EPHA4: variants seen among roughly 807,000 people sequenced by gnomAD.
EPHA4 encodes EPH receptor A4, also known as ephrin type-A receptor 4.
EPHA4 carries 19 observed loss-of-function variants against 108.3 expected under a neutral mutation model. That is an observed-to-expected ratio of 0.18 (90% CI 0.12 to 0.26). The LOEUF is 0.26. EPHA4 is among the 10% of genes least tolerant of loss of function. The probability of loss-of-function intolerance (pLI) is 1.00; values close to 1 mark genes in which losing one functional copy is unlikely to be tolerated. For synonymous variants in EPHA4, 449 were observed against 455.5 expected (o/e 0.99, Z 0.18); for missense variants, 917 against 1,254.0 (o/e 0.73, Z 4.06).
At chr2:221,436,184 T>C (rs1184416807) in intron 13 of EPHA4, among the ~76,000 whole-genome samples, 1 of 152,192 alleles carries the variant, frequency 6.6e-6, no homozygotes, top group East Asian at 1.9e-4. Flanking sequence ...TGCTTCTAGT[T>C]TGTGGCTGTT....
At chr2:221,537,215 C>T (rs891080578) in intron 3 of EPHA4, among the ~76,000 whole-genome samples, 2 of 152,192 alleles carry the variant, frequency 1.3e-5, no homozygotes, top group Non-Finnish European at 2.9e-5. Flanking sequence ...TTGTAATTGA[C>T]AGCTAAATCC....
At chr2:221,504,537 TTTTATA>T (rs1398811731) in intron 3 of EPHA4, among the ~76,000 whole-genome samples, 2,485 of 17,200 alleles carry the variant, frequency 0.14, 65 homozygotes, top group African/African-American at 0.34. Context: ...TATTTGAAAA[TTTTATA>T]TATATATATA....
At chr2:221,512,456 A>G (rs1337967895) in intron 3 of EPHA4, among the ~76,000 whole-genome samples, 2 of 152,224 alleles carry the variant, frequency 1.3e-5, no homozygotes, top group African/African-American at 2.4e-5. Flanking sequence ...GCAAATCAGG[A>G]GACACTAACA....
At position 221,434,417 on chromosome 2, in the gene EPHA4, A is replaced by G. The variant is rs932511460; in HGVS notation, c.2347-126T>C. ...TCTTGAGATAGCTCTCAAAACAATA[A>G]GACACTTGTTCATTTTAACGCAAGT... On this transcript the variant is annotated intron_variant, in intron 13 of 17. Coordinates refer to ENST00000281821, the MANE Select transcript of EPHA4 (RefSeq NM_004438.5). The G allele has an allele frequency of 4.1e-6, 4 of 966,996 alleles. No individual in the cohort carries two copies. The African/African-American group carries it at 6.6e-5, about 16-fold the overall frequency. The allele number at this position is 966,996 out of a possible 1,614,324, so 59.9% of individuals were successfully genotyped here. A position where few individuals can be genotyped will look rare whatever the true frequency, so the allele number is the denominator to read the frequency against.
At chr2:221,526,542 T>TAA (rs140593891) in intron 3 of EPHA4, among the ~76,000 whole-genome samples, 8 of 144,038 alleles carry the variant, frequency 5.6e-5, no homozygotes, top group African/African-American at 1.0e-4. Context: ...CAATCTAGTG[T>TAA]AAAAAAAAAA....
chr2:221,464,901 T>C (rs2106124603), intron 5 of EPHA4, among the ~76,000 whole-genome samples: 1 of 152,268 alleles, frequency 6.6e-6, no homozygotes, highest in East Asian at 1.9e-4. Context: ...TTGACATTGA[T>C]TTTTCTCCTT....
intron 3 of EPHA4, among the ~76,000 whole-genome samples, chr2:221,543,392 G>C (rs947259617): frequency 2.0e-5 from 3 of 152,152 alleles, no homozygotes; most frequent in African/African-American, 7.2e-5. Flanking sequence ...GTACATCAAA[G>C]AAAGTCTGGA....
chr2:221,558,816 A>T (rs2106204838), intron 3 of EPHA4, among the ~76,000 whole-genome samples: 2 of 152,358 alleles, frequency 1.3e-5, no homozygotes, highest in Admixed American at 1.3e-4. Context: ...TAGATAAAGA[A>T]TTACATTTTT....
In EPHA4 at chr2:221,437,177, G is replaced by T. The variant is rs372413514; in HGVS notation, c.2075-55C>A. The T allele has an allele frequency of 1.1e-4, 147 of 1,329,422 alleles. No homozygotes were observed. The Middle Eastern group carries it at 1.3e-3, about 12-fold the overall frequency. The allele number at this position is 1,329,422 out of a possible 1,614,324, so 82.4% of individuals were successfully genotyped here. A position where few individuals can be genotyped will look rare whatever the true frequency, so the allele number is the denominator to read the frequency against. ...CTTTGATGAGCGCTGCACTTAATGA[G>T]ATAAAAATGGGCTGCGCACAATTTT... On this transcript the variant is annotated intron_variant, in intron 11 of 17. Coordinates refer to ENST00000281821, the MANE Select transcript of EPHA4 (RefSeq NM_004438.5).
chr2:221,448,662 G>C (rs1045152711), intron 8 of EPHA4, among the ~76,000 whole-genome samples: 2 of 152,130 alleles, frequency 1.3e-5, no homozygotes, highest in Non-Finnish European at 2.9e-5. Flanking sequence ...GGGAGTGATA[G>C]GGTCCTGCCA....
intron 3 of EPHA4, among the ~76,000 whole-genome samples, chr2:221,527,591 G>T (rs769866544): frequency 6.6e-6 from 1 of 152,178 alleles, no homozygotes; most frequent in Non-Finnish European, 1.5e-5. Context: ...GTCCACCGGG[G>T]TCTGCCCGAC....
At chr2:221,477,161 C>A (rs1312765794) in intron 5 of EPHA4, among the ~76,000 whole-genome samples, 1 of 152,134 alleles carries the variant, frequency 6.6e-6, no homozygotes, top group African/African-American at 2.4e-5. Flanking sequence ...AAAACAGCTA[C>A]AACAGGATTC....
chr2:221,549,842 T>A (rs1192258342), intron 3 of EPHA4, among the ~76,000 whole-genome samples: 1 of 151,976 alleles, frequency 6.6e-6, no homozygotes, highest in Non-Finnish European at 1.5e-5. Context: ...CTAAAAAAAA[T>A]TAGCCAGTCA....
At chr2:221,446,568 T>C (rs541738996) in intron 8 of EPHA4, among the ~76,000 whole-genome samples, 15 of 152,280 alleles carry the variant, frequency 9.9e-5, no homozygotes, top group African/African-American at 1.2e-4. Flanking sequence ...TATATGTATA[T>C]ATACATTCTA....
At chr2:221,546,252 A>C (rs1693994685) in intron 3 of EPHA4, among the ~76,000 whole-genome samples, 1 of 152,120 alleles carries the variant, frequency 6.6e-6, no homozygotes, top group African/African-American at 2.4e-5. Context: ...CGAAGGCTTA[A>C]GTTGGGAGTA....
chr2:221,448,496 C>A (rs1388694487), intron 8 of EPHA4, among the ~76,000 whole-genome samples: 1 of 152,168 alleles, frequency 6.6e-6, no homozygotes, highest in East Asian at 1.9e-4. Flanking sequence ...TACCCTGAAG[C>A]CAAACAACTT....
chr2:221,564,161 G>T lies in EPHA4; in HGVS notation c.393C>A (p.Asn131Lys). ...TCTCTCTGATGAAACGCTCTTTGTC[G>T]TTGTCTGATTCATAGTAGTACAGGT... ...TFNLYYYESD[N>K]DKERFIRENQ... is the part of the protein sequence containing the mutation. Residue 131 changes from asparagine (N) to lysine (K), a missense_variant, in exon 3 of 18, where the codon AAC becomes AAA. Asn to Lys is a moderately conservative substitution (Grantham distance 94). Transcript: ENST00000281821. 1.9e-6 allele frequency: 3 copies of T among 1,614,072 alleles called. No individual in the cohort carries two copies. Among genetic ancestry groups the T allele is most frequent in the Non-Finnish European group, 2.5e-6 (3 of 1,180,010 alleles).
intron 5 of EPHA4, among the ~76,000 whole-genome samples, chr2:221,464,159 C>T (rs1019922948): frequency 1.9e-4 from 29 of 152,234 alleles, no homozygotes; most frequent in African/African-American, 6.7e-4. Context: ...TTACCTTTCC[C>T]CTCCCCAGGA....
Position 221,443,031 on chromosome 2 carries a change from G to A in EPHA4, c.1889-17C>T. The stretch of plus-strand genomic sequence containing the variant: ...CAAATTCACCTTTGAGAGAGAAAAA[G>A]AATCTACGATGGACCAGAAACACAT... On this transcript the variant is annotated splice_polypyrimidine_tract_variant and intron_variant, in intron 10 of 17. Transcript: ENST00000281821. The A allele has an allele frequency of 6.2e-7, 1 of 1,610,194 alleles. No homozygotes were observed. The highest frequency in any genetic ancestry group is 1.3e-5 in the African/African-American group (1 of 74,482).
Sources: allele counts gnomAD v4.1 joint callset (sites outside exome capture counted in the v4.1 genomes callset), GRCh38; gene constraint gnomAD v4.1.1; transcripts MANE v1.5; gene names NCBI Gene and HGNC (gene_info 2026-07-23, HGNC 2026-07-21).